The following TOM1L2 variants were observed in gnomAD, a reference collection of about 807,000 sequenced individuals.
TOM1L2 encodes TOM1-like protein 2.
TOM1L2 carries 31 observed loss-of-function variants against 67.9 expected under a neutral mutation model. The observed-to-expected ratio is 0.46, with a 90% CI of 0.34 to 0.62. The LOEUF (loss-of-function observed/expected upper bound fraction) is 0.62. Among genes scored for constraint, TOM1L2 ranks in the 20% least tolerant of loss-of-function variants. TOM1L2 has a pLI of 0.01. For synonymous variants in TOM1L2, 256 were observed against 254.0 expected, an observed-to-expected ratio of 1.01 and a Z score of -0.07; for missense variants, 606 against 663.5, an observed-to-expected ratio of 0.91 and a Z score of 0.95.
intron 1 of TOM1L2, among the ~76,000 whole-genome samples, chr17:17,963,517 G>A (rs1215460975): frequency 6.6e-6 from 1 of 152,170 alleles, no homozygotes; most frequent in Non-Finnish European, 1.5e-5. Flanking sequence ...ACCCCTTTAA[G>A]TCTCTATTTC....
intron 3 of TOM1L2, among the ~76,000 whole-genome samples, chr17:17,894,186 C>A (rs1449874635): frequency 6.6e-6 from 1 of 152,168 alleles, no homozygotes; most frequent in African/African-American, 2.4e-5. Context: ...ATTAGCCAAT[C>A]GGACATGGGC....
intron 1 of TOM1L2, among the ~76,000 whole-genome samples, chr17:17,946,466 T>C (rs1355300329): frequency 2.0e-5 from 3 of 152,256 alleles, no homozygotes; most frequent in Non-Finnish European, 2.9e-5. Flanking sequence ...TCATACAATA[T>C]ATAGCTGTTT....
chr17:17,869,669 T>A (rs2037052301), intron 7 of TOM1L2, 196 bp from the exon 8 acceptor site: 2 of 1,378,578 alleles, frequency 1.5e-6, no homozygotes, highest in Non-Finnish European at 1.9e-6. Flanking sequence ...AGGAAACAAG[T>A]ACTTTTTCAG....
At chr17:17,863,018 C>T (rs1051570615) in intron 10 of TOM1L2, among the ~76,000 whole-genome samples, 170 bp from the exon 11 acceptor site, 3 of 152,238 alleles carry the variant, frequency 2.0e-5, no homozygotes, top group South Asian at 2.1e-4. Context: ...GGAGCCAGGG[C>T]GGGCCAGATG....
At chr17:17,866,950 TAAGGAGA>T in intron 8 of TOM1L2, 26 bp from the exon 9 acceptor site, 1 of 1,612,804 alleles carries the variant, frequency 6.2e-7, no homozygotes, top group Non-Finnish European at 8.5e-7. Context: ...AAAGCAGAAG[TAAGGAGA>T]GAGGATGCCT....
chr17:17,861,335 T>C (rs1158591079), intron 12 of TOM1L2, 141 bp downstream of exon 12: 3 of 670,446 alleles, frequency 4.5e-6, no homozygotes, highest in Non-Finnish European at 7.6e-6. Context: ...TTCCACGGGG[T>C]GTCCCCCGTG....
chr17:17,903,230 G>A (rs1011203447), intron 2 of TOM1L2, among the ~76,000 whole-genome samples: 2 of 152,038 alleles, frequency 1.3e-5, no homozygotes, highest in Non-Finnish European at 2.9e-5. Context: ...TTCCTCATCA[G>A]ACTGTGAGTA....
intron 12 of TOM1L2, among the ~76,000 whole-genome samples, chr17:17,854,378 T>C (rs925241535): frequency 3.9e-5 from 6 of 152,158 alleles, no homozygotes; most frequent in African/African-American, 1.4e-4. Flanking sequence ...TCCCTGCAGC[T>C]TTGGGCAAGA....
rs2036633405 is a variant in TOM1L2 at position 17,862,830 on chromosome 17, A to G, written c.1103T>C (p.Val368Ala). ...LAGLDLGTES[V>A]SGTLSSLQQC... is the part of the protein sequence containing the mutation. ...CTGGAGTGAACTGAGGGTGCCACTGACGCTCTCTGTCCCCAAGTCTGTGGC... is the reference window on the plus strand; with the variant it reads ...CTGGAGTGAACTGAGGGTGCCACTGGCGCTCTCTGTCCCCAAGTCTGTGGC... Residue 368 changes from valine (V) to alanine (A), a missense_variant, in exon 11 of 15, where the codon GTC becomes GCC. Val to Ala is a moderately conservative substitution (Grantham distance 64). Coordinates refer to ENST00000379504, the MANE Select transcript of TOM1L2 (RefSeq NM_001082968.2). The G allele has an allele frequency of 6.2e-7, 1 of 1,614,000 alleles. No individual in the cohort carries two copies.
At chr17:17,972,131 G>T (rs2042129158) in intron 1 of TOM1L2, 131 bp downstream of exon 1, 2 of 1,150,424 alleles carry the variant, frequency 1.7e-6, no homozygotes, top group South Asian at 1.5e-5. Context: ...CGCTCGTGGA[G>T]TGGCACCCGC....
chr17:17,944,657 A>G (rs2040868801), intron 1 of TOM1L2, among the ~76,000 whole-genome samples: 2 of 152,248 alleles, frequency 1.3e-5, no homozygotes, highest in African/African-American at 2.4e-5. Context: ...ATGAGCTAAC[A>G]CAATGATTTT....
At chr17:17,884,255 C>T (rs1452887343) in intron 5 of TOM1L2, among the ~76,000 whole-genome samples, 3 of 152,142 alleles carry the variant, frequency 2.0e-5, no homozygotes, top group Non-Finnish European at 4.4e-5. Context: ...ACTTTTTGAC[C>T]CAAGAGTGAC....
At position 17,904,157 on chromosome 17, in the gene TOM1L2, C is replaced by G. The variant is rs186369255; in HGVS notation, c.137+3290G>C. Among the ~76,000 whole-genome samples, 10 of 152,272 alleles carry G rather than the reference C, an allele frequency of 6.6e-5. No homozygotes were observed. The East Asian group carries it at 1.7e-3, about 26-fold the overall frequency. ...TAGGAAGAGATTTTGAGACACCTCA[C>G]AGCAGAGGCAACAAGAAAACATTCT... On this transcript the variant is annotated intron_variant, in intron 2 of 14. Transcript: ENST00000379504.
intron 1 of TOM1L2, among the ~76,000 whole-genome samples, chr17:17,933,918 C>T (rs2040423759): frequency 6.6e-6 from 1 of 152,104 alleles, no homozygotes; most frequent in South Asian, 2.1e-4. Context: ...GGGCCCAAAA[C>T]ATGGCTGAAG....
rs1436733081 is a variant in TOM1L2, at chr17:17,847,535, G to A, written c.*100C>T. 2 of 1,452,150 alleles carry A rather than the reference G, an allele frequency of 1.4e-6. No homozygotes were observed. Among genetic ancestry groups the A allele is most frequent in the Non-Finnish European group, 1.8e-6 (2 of 1,085,938 alleles). The allele number at this position is 1,452,150 out of a possible 1,614,324, so 90.0% of individuals were successfully genotyped here. On this transcript the variant is annotated 3_prime_UTR_variant, in exon 15 of 15. Coordinates refer to ENST00000379504, the MANE Select transcript of TOM1L2 (RefSeq NM_001082968.2). ...GGCATTTCCATGGAAACACAGGTGT[G>A]CAGGCCGTGTGGAGCTGGGGATGTA...
At chr17:17,948,201 A>AC (rs1190355507) in intron 1 of TOM1L2, among the ~76,000 whole-genome samples, 3 of 152,194 alleles carry the variant, frequency 2.0e-5, no homozygotes, top group African/African-American at 7.2e-5. Flanking sequence ...CTGTTTATCA[A>AC]CCTTTCACTG....
At position 17,893,814 on chromosome 17, in the gene TOM1L2, A is replaced by T. The variant is rs750408389; in HGVS notation, c.217-4T>A. 6.2e-7 allele frequency: 1 copy of T among 1,613,460 alleles called. No individual in the cohort carries two copies. The highest frequency in any genetic ancestry group is 1.1e-5 in the South Asian group (1 of 91,004). On this transcript the variant is annotated splice_polypyrimidine_tract_variant and splice_region_variant and intron_variant, in intron 3 of 14. Coordinates refer to ENST00000379504, the MANE Select transcript of TOM1L2 (RefSeq NM_001082968.2). ...TCTTCACACATGTCTCCAGCACCTG[A>T]TGTGGGGAGGGAAGGAAAAGGGTCA...
At chr17:17,936,315 T>A (rs891732234) in intron 1 of TOM1L2, among the ~76,000 whole-genome samples, 7 of 152,214 alleles carry the variant, frequency 4.6e-5, no homozygotes, top group Non-Finnish European at 1.0e-4. Flanking sequence ...AAACCCTTCT[T>A]CCAGGAAGTT....
chr17:17,882,390 G>A (rs761224631), intron 6 of TOM1L2, among the ~76,000 whole-genome samples: 2 of 152,198 alleles, frequency 1.3e-5, no homozygotes, highest in Non-Finnish European at 2.9e-5. Flanking sequence ...TGTCATTGCT[G>A]AGCATGCGGT....
Sources: allele counts gnomAD v4.1 joint callset (sites outside exome capture counted in the v4.1 genomes callset), GRCh38; gene constraint gnomAD v4.1.1; transcripts MANE v1.5; gene names NCBI Gene and HGNC (gene_info 2026-07-23, HGNC 2026-07-21).